The following FLACC1 variants were observed in gnomAD, a reference collection of about 807,000 sequenced individuals.
FLACC1 encodes flagellum associated containing coiled-coil domains 1.
In FLACC1, 66 loss-of-function variants were observed where a neutral mutation model predicts 62.8. The observed-to-expected ratio is 1.05, with a 90% CI of 0.86 to 1.29. The LOEUF is 1.29. Ranked by LOEUF, FLACC1 falls within the 50% of genes most tolerant of loss-of-function variation. FLACC1 has a pLI of 0.00. For synonymous variants in FLACC1, 156 were observed against 161.0 expected (o/e 0.97, Z 0.24); for missense variants, 452 against 489.1 (o/e 0.92, Z 0.71).
intron 5 of FLACC1, among the ~76,000 whole-genome samples, chr2:201,344,916 C>T (rs1451976837): frequency 6.6e-6 from 1 of 152,068 alleles, no homozygotes; most frequent in African/African-American, 2.4e-5. Context: ...TAACTGAGCA[C>T]AGAGAGAATG....
At chr2:201,323,784 C>CAAAAA (rs71022362) in intron 9 of FLACC1, among the ~76,000 whole-genome samples, 11 of 52,758 alleles carry the variant, frequency 2.1e-4, no homozygotes, top group East Asian at 1.1e-3. Flanking sequence ...CAGACTCTAT[C>CAAAAA]AAAAAAAAAA....
chr2:201,341,886 C>G (rs1950817929), intron 7 of FLACC1, among the ~76,000 whole-genome samples: 1 of 152,132 alleles, frequency 6.6e-6, no homozygotes, highest in Non-Finnish European at 1.5e-5. Context: ...GGACTCCTTT[C>G]AATTTTCTCT....
At chr2:201,294,832 T>G (rs1423252902) in intron 12 of FLACC1, among the ~76,000 whole-genome samples, 1 of 152,160 alleles carries the variant, frequency 6.6e-6, no homozygotes, top group African/African-American at 2.4e-5. Flanking sequence ...AGTCTCAGGA[T>G]ACAAAATCAA....
intron 10 of FLACC1, 89 bp downstream of exon 10, chr2:201,309,062 C>T (rs1006806209): frequency 8.6e-7 from 1 of 1,159,582 alleles, no homozygotes; most frequent in African/African-American, 1.5e-5. Flanking sequence ...CTTGGTAAGC[C>T]CAAGGCCACC....
chr2:201,333,250 T>C (rs989979957), intron 7 of FLACC1, among the ~76,000 whole-genome samples: 5 of 152,152 alleles, frequency 3.3e-5, no homozygotes, highest in Non-Finnish European at 1.5e-5. Flanking sequence ...GCTATTCTGA[T>C]CCATGTGAGA....
intron 7 of FLACC1, among the ~76,000 whole-genome samples, chr2:201,332,172 T>C (rs1000104899): frequency 6.6e-6 from 1 of 152,120 alleles, no homozygotes; most frequent in Admixed American, 6.6e-5. Flanking sequence ...AAAAGTGATG[T>C]TATGATTTAT....
chr2:201,309,777 C>A (rs760720042), intron 9 of FLACC1, among the ~76,000 whole-genome samples: 4 of 151,302 alleles, frequency 2.6e-5, no homozygotes, highest in Non-Finnish European at 4.4e-5. Context: ...CGTGGTGGCA[C>A]ACACCTGTAG....
chr2:201,304,256 C>A (rs1214717658), intron 11 of FLACC1, among the ~76,000 whole-genome samples: 3 of 152,092 alleles, frequency 2.0e-5, no homozygotes, highest in Non-Finnish European at 4.4e-5. Flanking sequence ...AATCAATGTG[C>A]AAAAATCACA....
At chr2:201,289,610 C>T in intron 13 of FLACC1, 44 bp from the exon 14 acceptor site, 5 of 1,612,732 alleles carry the variant, frequency 3.1e-6, no homozygotes, top group Non-Finnish European at 4.2e-6. Flanking sequence ...CAACCCAGAG[C>T]CATCCAGGGC....
In FLACC1 at chr2:201,346,787, C is replaced by A; in HGVS notation, c.235-112G>T. 8.9e-6 allele frequency: 12 copies of A among 1,346,872 alleles called. No individual in the cohort carries two copies. Among genetic ancestry groups the A allele is most frequent in the Non-Finnish European group, 1.2e-5 (12 of 975,566 alleles). The allele number at this position is 1,346,872 out of a possible 1,614,324, so 83.4% of individuals were successfully genotyped here. A position where few individuals can be genotyped will look rare whatever the true frequency, so the allele number is the denominator to read the frequency against. On this transcript the variant is annotated intron_variant, in intron 4 of 14. Coordinates refer to ENST00000392257, the MANE Select transcript of FLACC1 (RefSeq NM_001127391.3). This position sits in a 1 kb window ranked among gnomAD's most constrained non-coding sequence, Gnocchi z 4.0. ...TTAAAAACAGGGACCTGGGACTCCA[C>A]AGCCCAAGCCCTTCTGGGCCCTTCA...
chr2:201,297,934 G>A (rs62191540), intron 12 of FLACC1, among the ~76,000 whole-genome samples: 13,902 of 152,122 alleles, frequency 0.091, 970 homozygotes, highest in South Asian at 0.26. Context: ...GTGGATATCC[G>A]GGAAAGAGCT....
chr2:201,344,333 G>T, intron 5 of FLACC1, 70 bp from the exon 6 acceptor site: 1 of 1,305,202 alleles, frequency 7.7e-7, no homozygotes, highest in South Asian at 1.2e-5. Context: ...CCCTGAGCAT[G>T]ACTGACTCTG....
chr2:201,358,809 C>T (rs1015105240), upstream of FLACC1, among the ~76,000 whole-genome samples: 1 of 152,182 alleles, frequency 6.6e-6, no homozygotes, highest in Non-Finnish European at 1.5e-5. Flanking sequence ...GATCCTCCTG[C>T]TTCGGCCTCC....
chr2:201,324,324 A>G (rs1277496355), intron 9 of FLACC1, among the ~76,000 whole-genome samples: 2 of 152,242 alleles, frequency 1.3e-5, no homozygotes. Flanking sequence ...CTAAATTTAC[A>G]TGCATCTAAC....
chr2:201,352,649 A>G (rs1576483839), intron 1 of FLACC1, among the ~76,000 whole-genome samples: 1 of 152,204 alleles, frequency 6.6e-6, no homozygotes. Flanking sequence ...CAGAGGGTGC[A>G]GGACTTGGAA....
At chr2:201,289,880 C>T (rs749008687) in intron 12 of FLACC1, 95 bp from the exon 13 acceptor site, 7 of 1,600,116 alleles carry the variant, frequency 4.4e-6, no homozygotes, top group African/African-American at 4.0e-5. Context: ...AGGGAGCAAC[C>T]TGAGCTACTT....
At chr2:201,325,004 T>G in intron 9 of FLACC1, among the ~76,000 whole-genome samples, 1 of 152,110 alleles carries the variant, frequency 6.6e-6, no homozygotes, top group East Asian at 1.9e-4. Context: ...AACAGGCGCC[T>G]GTAGTCTCAG....
intron 7 of FLACC1, among the ~76,000 whole-genome samples, chr2:201,340,619 T>C (rs891652220): frequency 6.6e-6 from 1 of 152,212 alleles, no homozygotes; most frequent in Non-Finnish European, 1.5e-5. Flanking sequence ...AGTTTTGTGT[T>C]TTTACTCTCA....
chr2:201,303,787 A>G (rs1366718449), intron 11 of FLACC1, among the ~76,000 whole-genome samples: 1 of 152,232 alleles, frequency 6.6e-6, no homozygotes, highest in Non-Finnish European at 1.5e-5. Flanking sequence ...ACGCAAATCA[A>G]TAAACGTAAT....
Sources: allele counts gnomAD v4.1 joint callset (sites outside exome capture counted in the v4.1 genomes callset), GRCh38; gene constraint gnomAD v4.1.1; non-coding constraint Gnocchi (gnomAD v3.1); transcripts MANE v1.5; gene names NCBI Gene and HGNC (gene_info 2026-07-23, HGNC 2026-07-21).